Variants in ABTB2 observed in about 807,000 individuals in gnomAD.
ABTB2 encodes the protein ankyrin repeat and BTB domain containing 2, also known as ankyrin repeat and BTB/POZ domain-containing protein 2.
ABTB2 carries 56 observed loss-of-function variants against 104.1 expected under a neutral mutation model. The observed-to-expected ratio is 0.54, with a 90% confidence interval of 0.43 to 0.67. ABTB2 has a LOEUF of 0.67. Among genes scored for constraint, ABTB2 ranks in the 30% least tolerant of loss-of-function variants. ABTB2 has a pLI of 0.00. For synonymous variants in ABTB2, 606 were observed against 608.2 expected (o/e 1.00, Z 0.05); for missense variants, 1,279 against 1,407.7 (o/e 0.91, Z 1.46).
At chr11:34,160,830 G>C (rs1852707945) in intron 11 of ABTB2, 73 bp downstream of exon 11, 8 of 1,487,156 alleles carry the variant, frequency 5.4e-6, no homozygotes, top group Non-Finnish European at 7.3e-6. Flanking sequence ...GTGTCTGCCT[G>C]TGTGTCCATC....
intron 1 of ABTB2, among the ~76,000 whole-genome samples, chr11:34,330,229 T>C (rs1370608266): frequency 2.3e-4 from 35 of 152,172 alleles, no homozygotes; most frequent in Admixed American, 2.3e-3. Context: ...ACAGGGAGAA[T>C]AGGAGCCAGT....
intron 1 of ABTB2, among the ~76,000 whole-genome samples, chr11:34,325,403 T>C (rs1855057281): frequency 6.6e-6 from 1 of 152,212 alleles, no homozygotes; most frequent in African/African-American, 2.4e-5. Context: ...CCCAAAGTTC[T>C]GCTATCTGCT....
intron 3 of ABTB2, among the ~76,000 whole-genome samples, chr11:34,195,416 G>A (rs1248969226): frequency 1.3e-5 from 2 of 152,210 alleles, no homozygotes; most frequent in African/African-American, 4.8e-5. Context: ...GGATGCCCAG[G>A]GCTCCACCTG....
chr11:34,352,404 TA>T (rs1164167877), intron 1 of ABTB2, among the ~76,000 whole-genome samples: 3 of 152,014 alleles, frequency 2.0e-5, no homozygotes, highest in East Asian at 1.9e-4. Flanking sequence ...CCCTGCCCTT[TA>T]AAAAAAATAT....
chr11:34,318,171 A>T (rs1267470), intron 1 of ABTB2, among the ~76,000 whole-genome samples: 1 of 151,964 alleles, frequency 6.6e-6, no homozygotes, highest in African/African-American at 2.4e-5. Context: ...CTTTCGCCAC[A>T]TTGGCCAGGC....
chr11:34,301,656 C>T (rs1854707802), intron 1 of ABTB2, among the ~76,000 whole-genome samples: 2 of 152,330 alleles, frequency 1.3e-5, no homozygotes, highest in African/African-American at 4.8e-5. Flanking sequence ...TCAGTTTCCT[C>T]TTGCTACGGG....
At chr11:34,176,450 C>G (rs901812929) in intron 3 of ABTB2, among the ~76,000 whole-genome samples, 3 of 152,064 alleles carry the variant, frequency 2.0e-5, no homozygotes, top group Admixed American at 1.3e-4. Flanking sequence ...GAAATATGAC[C>G]AGCCTGGGGC....
intron 3 of ABTB2, among the ~76,000 whole-genome samples, chr11:34,192,228 A>C (rs1260581245): frequency 1.3e-5 from 2 of 152,112 alleles, no homozygotes; most frequent in Admixed American, 1.3e-4. Context: ...AGGATGTCAA[A>C]GAGGCAGTGA....
chr11:34,306,850 T>G (rs1805448343), intron 1 of ABTB2, among the ~76,000 whole-genome samples: 1 of 152,060 alleles, frequency 6.6e-6, no homozygotes, highest in Non-Finnish European at 1.5e-5. Flanking sequence ...TTTGGGAAAT[T>G]CTGCTGTGTG....
chr11:34,162,594 T>C lies in ABTB2; in HGVS notation c.2200A>G (p.Met734Val). 2.5e-6 allele frequency: 4 copies of C among 1,613,544 alleles called. No individual in the cohort carries two copies. Among genetic ancestry groups the C allele is most frequent in the Non-Finnish European group, 3.4e-6 (4 of 1,179,938 alleles). ...SAEHGYVDIT[M>V]ELRALGVPWK... ...GCCTCACCCAGTGCCCTCAGCTCCA[T>C]GGTGATGTCCACGTAGCCGTGCTCA... Residue 734 changes from methionine (M) to valine (V), a missense_variant, in exon 10 of 17, where the codon ATG becomes GTG. Coordinates refer to ENST00000435224, the MANE Select transcript of ABTB2 (RefSeq NM_145804.3).
Position 34,331,117 on chromosome 11 carries a change from G to C in ABTB2, c.883+25584C>G, listed in dbSNP as rs139759989. 3.3e-5 allele frequency among the ~76,000 whole-genome samples: 5 copies of C among 152,300 alleles called. No individual in the cohort carries two copies. In the East Asian group the frequency reaches 9.6e-4, roughly 29 times the overall value. ...TTTCAAATGGGCTGCTTGCAGGAAA[G>C]AGACAGCTGTGGTAAAACCAAAAAG... On this transcript the variant is annotated intron_variant, in intron 1 of 16. Transcript: ENST00000435224.
chr11:34,217,651 G>A (rs1853565744), intron 1 of ABTB2, among the ~76,000 whole-genome samples: 5 of 152,040 alleles, frequency 3.3e-5, no homozygotes, highest in Non-Finnish European at 5.9e-5. Context: ...TAGTAGAGAC[G>A]GGGTTTCTCC....
intron 1 of ABTB2, among the ~76,000 whole-genome samples, chr11:34,237,777 G>A (rs923609620): frequency 6.6e-6 from 1 of 152,096 alleles, no homozygotes; most frequent in Non-Finnish European, 1.5e-5. Context: ...TATAATCCCA[G>A]CTACTTGGGA....
chr11:34,335,396 C>A, intron 1 of ABTB2: 1 of 822,578 alleles, frequency 1.2e-6, no homozygotes. Flanking sequence ...CATTGATGAA[C>A]TTTTCTAAGA....
chr11:34,318,862 T>C (rs1348920854), intron 1 of ABTB2, among the ~76,000 whole-genome samples: 1 of 152,184 alleles, frequency 6.6e-6, no homozygotes, highest in Non-Finnish European at 1.5e-5. Context: ...TAAACCCCCC[T>C]GTTTGGAGAA....
intron 1 of ABTB2, among the ~76,000 whole-genome samples, chr11:34,266,679 G>A (rs1854254983): frequency 6.6e-6 from 1 of 151,434 alleles, no homozygotes; most frequent in Admixed American, 6.6e-5. Context: ...ATTTTTCTTC[G>A]GTGCTTGGGC....
intron 8 of ABTB2, among the ~76,000 whole-genome samples, 178 bp downstream of exon 8, chr11:34,165,082 C>A (rs1852779666): frequency 6.6e-6 from 1 of 152,226 alleles, no homozygotes; most frequent in South Asian, 2.1e-4. Flanking sequence ...CTGAGCCCAA[C>A]AGAAACTGAT....
chr11:34,277,578 G>A (rs1195985054), intron 1 of ABTB2, among the ~76,000 whole-genome samples: 1 of 150,724 alleles, frequency 6.6e-6, no homozygotes, highest in Non-Finnish European at 1.5e-5. Flanking sequence ...GAGGTCAGGA[G>A]TTCCAGACCA....
intron 1 of ABTB2, among the ~76,000 whole-genome samples, chr11:34,225,352 T>C (rs1853672365): frequency 6.6e-6 from 1 of 152,208 alleles, no homozygotes; most frequent in Non-Finnish European, 1.5e-5. Flanking sequence ...ACCCCGCCAC[T>C]GTTATGGCTG....
Sources: allele counts gnomAD v4.1 joint callset (sites outside exome capture counted in the v4.1 genomes callset), GRCh38; gene constraint gnomAD v4.1.1; transcripts MANE v1.5; gene names NCBI Gene and HGNC (gene_info 2026-07-23, HGNC 2026-07-21).